Variants in SND1 observed in about 807,000 individuals in gnomAD.
The protein encoded by SND1 is staphylococcal nuclease domain-containing protein 1.
Under a neutral mutation model 121.7 loss-of-function variants are expected in SND1, and 38 were observed. The ratio of observed to expected loss-of-function variants is 0.31; its 90% CI spans 0.24 to 0.41. The LOEUF is 0.41. Ranked by LOEUF, SND1 falls within the 10% of genes least tolerant of loss-of-function variation. The pLI is 1.00. For synonymous variants in SND1, 401 were observed against 447.4 expected (o/e 0.90, Z 1.31); for missense variants, 868 against 1,184.6 (o/e 0.73, Z 3.92).
At chr7:127,790,200 C>T (rs1408693666) in intron 10 of SND1, among the ~76,000 whole-genome samples, 8 of 152,178 alleles carry the variant, frequency 5.3e-5, no homozygotes, top group Non-Finnish European at 1.0e-4. Flanking sequence ...AGCCGCCCAG[C>T]ATCCTTGTCA....
chr7:127,757,950 T>G (rs542671812), intron 10 of SND1, among the ~76,000 whole-genome samples: 101 of 152,336 alleles, frequency 6.6e-4, no homozygotes, highest in African/African-American at 2.4e-3. Context: ...TTTGAAAAGC[T>G]TCCCTGCTGT....
At chr7:127,953,151 CGTGTGTGTGTGTGTGT>C (rs59825900) in intron 15 of SND1, among the ~76,000 whole-genome samples, 1,332 of 92,302 alleles carry the variant, frequency 0.014, 25 homozygotes, top group African/African-American at 0.031. Flanking sequence ...GTGACAAGAC[CGTGTGTGTGTGTGTGT>C]GTGTGTGTGT....
intron 12 of SND1, among the ~76,000 whole-genome samples, chr7:127,864,070 G>A (rs1799426010): frequency 6.6e-6 from 1 of 152,010 alleles, no homozygotes; most frequent in South Asian, 2.1e-4. Context: ...GAACTTTTCT[G>A]AAATGTATAC....
intron 11 of SND1, among the ~76,000 whole-genome samples, chr7:127,820,522 C>T (rs1051415285): frequency 1.3e-5 from 2 of 152,184 alleles, no homozygotes; most frequent in African/African-American, 4.8e-5. Context: ...TTAATCACAG[C>T]TTTCCAAGGG....
intron 16 of SND1, among the ~76,000 whole-genome samples, chr7:128,059,202 AAG>A (rs1247995268): frequency 6.6e-6 from 1 of 152,090 alleles, no homozygotes; most frequent in African/African-American, 2.4e-5. Flanking sequence ...TCCTACCTGA[AAG>A]AGTTTCCCGA....
At chr7:128,005,799 A>G (rs17151653) in intron 16 of SND1, among the ~76,000 whole-genome samples, 31,739 of 151,990 alleles carry the variant, frequency 0.21, 3,694 homozygotes, top group Middle Eastern at 0.3. Flanking sequence ...TTATTTGAGG[A>G]GCTCCCCACC....
At chr7:127,797,932 T>G (rs1225233063) in intron 10 of SND1, among the ~76,000 whole-genome samples, 1 of 152,100 alleles carries the variant, frequency 6.6e-6, no homozygotes, top group Non-Finnish European at 1.5e-5. Context: ...TCCCCATCCT[T>G]CTCTCTGTCC....
chr7:127,781,264 A>C (rs189460001), intron 10 of SND1, among the ~76,000 whole-genome samples: 1 of 152,186 alleles, frequency 6.6e-6, no homozygotes, highest in Non-Finnish European at 1.5e-5. Context: ...GAAGAGACCA[A>C]TTAGTTCACC....
chr7:127,978,770 C>G (rs1368250749), intron 15 of SND1, among the ~76,000 whole-genome samples: 1 of 152,126 alleles, frequency 6.6e-6, no homozygotes, highest in African/African-American at 2.4e-5. Context: ...TTTAGTTACC[C>G]TGTACTATCA....
At chr7:127,913,501 G>T (rs1205504818) in intron 14 of SND1, among the ~76,000 whole-genome samples, 1 of 152,142 alleles carries the variant, frequency 6.6e-6, no homozygotes, top group Non-Finnish European at 1.5e-5. Flanking sequence ...AGTTCCTCTG[G>T]CCATAGATTT....
chr7:128,086,138 T>A (rs941481403), intron 20 of SND1, among the ~76,000 whole-genome samples: 1 of 152,220 alleles, frequency 6.6e-6, no homozygotes, highest in Admixed American at 6.5e-5. Flanking sequence ...TGGGTGTTTG[T>A]TCCATGCGCT....
intron 10 of SND1, among the ~76,000 whole-genome samples, chr7:127,748,809 T>C (rs747263841): frequency 1.3e-5 from 2 of 152,124 alleles, no homozygotes; most frequent in Non-Finnish European, 2.9e-5. Flanking sequence ...GAAGGGTAGC[T>C]GAATGGAAGG....
At chr7:127,707,468 G>C in intron 8 of SND1, 89 bp from the exon 9 acceptor site, 1 of 951,188 alleles carries the variant, frequency 1.1e-6, no homozygotes, top group Non-Finnish European at 1.7e-6. Flanking sequence ...ATAGGGTAGA[G>C]TAGGATGCTG....
chr7:127,697,628 A>T (rs1299543924), intron 3 of SND1, among the ~76,000 whole-genome samples: 2 of 152,156 alleles, frequency 1.3e-5, no homozygotes, highest in Non-Finnish European at 2.9e-5. Context: ...AGTAACCTCA[A>T]CAGAAAGGGT....
At chr7:127,747,019 A>C (rs1186664272) in intron 10 of SND1, among the ~76,000 whole-genome samples, 2 of 152,224 alleles carry the variant, frequency 1.3e-5, no homozygotes, top group Non-Finnish European at 2.9e-5. Flanking sequence ...TTTTTTAAAA[A>C]GCTTACATTG....
chr7:127,916,856 G>C (rs1800590027), intron 14 of SND1, among the ~76,000 whole-genome samples: 1 of 152,128 alleles, frequency 6.6e-6, no homozygotes, highest in Non-Finnish European at 1.5e-5. Flanking sequence ...TCCCACCTGA[G>C]TTGTCAGCAG....
intron 11 of SND1, among the ~76,000 whole-genome samples, chr7:127,833,355 T>G (rs1018002505): frequency 1.3e-5 from 2 of 148,712 alleles, no homozygotes; most frequent in Non-Finnish European, 3.0e-5. Context: ...AACCTCTGCC[T>G]CCAAGGTTCA....
intron 15 of SND1, among the ~76,000 whole-genome samples, chr7:127,946,210 T>C (rs947570944): frequency 1.3e-5 from 2 of 152,142 alleles, no homozygotes; most frequent in Admixed American, 6.5e-5. Context: ...ATGACACCAA[T>C]AGGAACATAT....
At chr7:127,824,287 A>G (rs1798605104) in intron 11 of SND1, among the ~76,000 whole-genome samples, 1 of 152,230 alleles carries the variant, frequency 6.6e-6, no homozygotes, top group South Asian at 2.1e-4. Flanking sequence ...CAGAAAACTT[A>G]TCTACCAGTT....
Sources: allele counts gnomAD v4.1 joint callset (sites outside exome capture counted in the v4.1 genomes callset), GRCh38; gene constraint gnomAD v4.1.1; transcripts MANE v1.5; gene names NCBI Gene and HGNC (gene_info 2026-07-23, HGNC 2026-07-21).